The following NXPH1 variants were observed in gnomAD, a reference collection of about 807,000 sequenced individuals.
NXPH1 encodes the protein neurexophilin 1, also known as neurexophilin-1.
In NXPH1, 5 loss-of-function variants were observed where a neutral mutation model predicts 23.7. That is an observed-to-expected ratio of 0.21 (90% CI 0.11 to 0.44). The LOEUF is 0.44. Among genes scored for constraint, NXPH1 ranks in the 20% least tolerant of loss-of-function variants. The pLI is 0.99. For synonymous variants in NXPH1, 144 were observed against 122.2 expected (o/e 1.18, Z -1.18); for missense variants, 324 against 321.6 (o/e 1.01, Z -0.06).
chr7:8,630,876 C>A (rs1326261050), intron 2 of NXPH1, among the ~76,000 whole-genome samples: 1 of 152,118 alleles, frequency 6.6e-6, no homozygotes, highest in Non-Finnish European at 1.5e-5. Flanking sequence ...CATCACCAGG[C>A]ATTAAGCCTA....
intron 2 of NXPH1, among the ~76,000 whole-genome samples, chr7:8,748,240 G>A (rs1402722267): frequency 1.3e-5 from 2 of 152,108 alleles, no homozygotes; most frequent in Non-Finnish European, 2.9e-5. Context: ...CCATTTCTGC[G>A]ATACTATTTT....
chr7:8,751,656 T>C lies in NXPH1; in HGVS notation c.703T>C (p.Phe235Leu). The change falls in exon 3 of 3, where the codon TTT (phenylalanine) becomes CTT (leucine). Residue 235 changes from phenylalanine (F) to leucine (L), a missense_variant. Transcript: ENST00000405863. The surrounding 1 kb of genome is among the most constrained non-coding windows in gnomAD (Gnocchi z 4.5). ...SHVSWLCSKP[F>L]KVICIYISFY... is the part of the protein sequence containing the mutation. ...TGTATCCTGGCTCTGCTCCAAGCCCTTTAAGGTGATCTGTATTTACATTTC... is the reference window on the plus strand; with the variant it reads ...TGTATCCTGGCTCTGCTCCAAGCCCCTTAAGGTGATCTGTATTTACATTTC... 6.2e-7 allele frequency: 1 copy of C among 1,613,308 alleles called. No homozygotes were observed. The highest frequency in any genetic ancestry group is 2.2e-5 in the East Asian group (1 of 44,864).
At chr7:8,537,408 G>T (rs1040221451) in intron 2 of NXPH1, among the ~76,000 whole-genome samples, 2 of 151,932 alleles carry the variant, frequency 1.3e-5, no homozygotes, top group Non-Finnish European at 2.9e-5. Context: ...GGAAACTTAC[G>T]ATCGTAGCAG....
chr7:8,676,532 T>C (rs545983204), intron 2 of NXPH1, among the ~76,000 whole-genome samples: 4 of 152,326 alleles, frequency 2.6e-5, no homozygotes, highest in Non-Finnish European at 4.4e-5. Flanking sequence ...TCTAGCAAAG[T>C]GTAAGCTCAC....
At chr7:8,545,524 T>C (rs1818186011) in intron 2 of NXPH1, among the ~76,000 whole-genome samples, 1 of 151,428 alleles carries the variant, frequency 6.6e-6, no homozygotes, top group Non-Finnish European at 1.5e-5. Context: ...CATATATACC[T>C]CAATACACAA....
At chr7:8,565,800 T>G (rs1818534990) in intron 2 of NXPH1, among the ~76,000 whole-genome samples, 1 of 151,824 alleles carries the variant, frequency 6.6e-6, no homozygotes, top group Non-Finnish European at 1.5e-5. Flanking sequence ...GAAGCACAAC[T>G]TTACAGTGGG....
At chr7:8,560,751 A>G (rs1376542479) in intron 2 of NXPH1, among the ~76,000 whole-genome samples, 1 of 151,682 alleles carries the variant, frequency 6.6e-6, no homozygotes, top group Non-Finnish European at 1.5e-5. Flanking sequence ...ATGTGCAGCC[A>G]CTTTCAGCAA....
At chr7:8,692,331 G>T (rs542506560) in intron 2 of NXPH1, among the ~76,000 whole-genome samples, 1 of 152,144 alleles carries the variant, frequency 6.6e-6, no homozygotes, top group Non-Finnish European at 1.5e-5. Flanking sequence ...TTATTGAAAA[G>T]CTATTGCACC....
chr7:8,634,695 T>C (rs796498562), intron 2 of NXPH1, among the ~76,000 whole-genome samples: 73 of 135,736 alleles, frequency 5.4e-4, no homozygotes, highest in East Asian at 1.3e-3. Context: ...TTTTTTTTTT[T>C]CCAAAGAGCA....
intron 2 of NXPH1, among the ~76,000 whole-genome samples, chr7:8,634,901 T>A (rs1366120759): frequency 6.6e-6 from 1 of 152,174 alleles, no homozygotes. Context: ...CACAAGACAC[T>A]TTTAAAGTAC....
chr7:8,464,301 A>G (rs551720721), intron 2 of NXPH1, among the ~76,000 whole-genome samples: 13 of 152,242 alleles, frequency 8.5e-5, no homozygotes, highest in South Asian at 6.2e-4. Flanking sequence ...ACTTCCATCT[A>G]TCATTTTCAC....
intron 2 of NXPH1, among the ~76,000 whole-genome samples, chr7:8,480,959 C>A (rs1314100790): frequency 2.6e-5 from 4 of 152,154 alleles, no homozygotes; most frequent in Admixed American, 2.0e-4. Flanking sequence ...CTTCCAGACA[C>A]TTCAATTACT....
At chr7:8,724,662 C>T (rs902892403) in intron 2 of NXPH1, among the ~76,000 whole-genome samples, 3 of 152,124 alleles carry the variant, frequency 2.0e-5, no homozygotes, top group Admixed American at 2.0e-4. Context: ...TATGAATACC[C>T]TTCTTTGATT....
At chr7:8,639,070 G>A (rs77701953) in intron 2 of NXPH1, among the ~76,000 whole-genome samples, 8,201 of 152,142 alleles carry the variant, frequency 0.054, 449 homozygotes, top group East Asian at 0.17. Context: ...GCAAGCAGTC[G>A]ATTACTGGTA....
chr7:8,535,792 A>T (rs1009171355), intron 2 of NXPH1, among the ~76,000 whole-genome samples: 3 of 152,038 alleles, frequency 2.0e-5, no homozygotes, highest in Non-Finnish European at 2.9e-5. Flanking sequence ...TTCAATTTAC[A>T]ATTTTGAAAA....
At chr7:8,466,584 G>A (rs557504099) in intron 2 of NXPH1, among the ~76,000 whole-genome samples, 14 of 152,088 alleles carry the variant, frequency 9.2e-5, no homozygotes, top group Non-Finnish European at 1.9e-4. Flanking sequence ...AAGACTCGAA[G>A]GGACATTGTA....
At chr7:8,584,890 G>A (rs1172412495) in intron 2 of NXPH1, among the ~76,000 whole-genome samples, 2 of 152,042 alleles carry the variant, frequency 1.3e-5, no homozygotes, top group Non-Finnish European at 2.9e-5. Context: ...AAACATTTCT[G>A]TCTCATTTAG....
chr7:8,500,446 A>G (rs1187922941), intron 2 of NXPH1, among the ~76,000 whole-genome samples: 1 of 152,046 alleles, frequency 6.6e-6, no homozygotes, highest in Non-Finnish European at 1.5e-5. Flanking sequence ...TAGCTGTGTG[A>G]CCTTGGGCAG....
intron 2 of NXPH1, among the ~76,000 whole-genome samples, chr7:8,730,064 T>C (rs944847037): frequency 1.3e-4 from 20 of 152,202 alleles, no homozygotes; most frequent in African/African-American, 4.8e-4. Flanking sequence ...TTAGCTCTTC[T>C]TGTTGAATTG....
Sources: allele counts gnomAD v4.1 joint callset (sites outside exome capture counted in the v4.1 genomes callset), GRCh38; gene constraint gnomAD v4.1.1; non-coding constraint Gnocchi (gnomAD v3.1); transcripts MANE v1.5; gene names NCBI Gene and HGNC (gene_info 2026-07-23, HGNC 2026-07-21).